The following THADA variants were observed in gnomAD, a reference collection of about 807,000 sequenced individuals.
THADA encodes tRNA (32-2'-O)-methyltransferase regulator THADA.
Under a neutral mutation model 219.8 loss-of-function variants are expected in THADA, and 213 were observed. That is an observed-to-expected ratio of 0.97 (90% CI 0.87 to 1.09). The LOEUF is 1.09. THADA is among the 50% of genes least tolerant of loss of function. THADA has a pLI of 0.00. For missense variants in THADA, 2,956 were observed against 2,311.3 expected (o/e 1.28, Z -5.72); for synonymous variants, 1,018 against 828.9 (o/e 1.23, Z -3.92).
chr2:43,291,454 C>CAAAAAAAAAAAAAAAAAAAAAAAAA (rs765352765), intron 34 of THADA, among the ~76,000 whole-genome samples: 4 of 8,086 alleles, frequency 4.9e-4, no homozygotes, highest in African/African-American at 9.1e-4. Context: ...AACTCCATCT[C>CAAAAAAAAAAAAAAAAAAAAAAAAA]AAAAAAAAAA....
chr2:43,279,649 G>C, intron 36 of THADA, 116 bp downstream of exon 36: 9 of 1,337,960 alleles, frequency 6.7e-6, no homozygotes, highest in Non-Finnish European at 8.9e-6. Context: ...TGGCAGAGTT[G>C]AGACACAGAC....
intron 26 of THADA, among the ~76,000 whole-genome samples, chr2:43,483,208 C>T (rs1467408966): frequency 2.0e-5 from 3 of 152,104 alleles, no homozygotes; most frequent in Non-Finnish European, 4.4e-5. Context: ...AGTAACCAAC[C>T]AAGATATCAT....
intron 31 of THADA, among the ~76,000 whole-genome samples, chr2:43,300,577 G>A (rs1676142283): frequency 1.3e-5 from 2 of 152,146 alleles, no homozygotes; most frequent in Non-Finnish European, 2.9e-5. Context: ...AATTTAAGGT[G>A]GGCCCTGAGG....
intron 22 of THADA, among the ~76,000 whole-genome samples, chr2:43,516,471 C>T (rs547271609): frequency 3.2e-4 from 48 of 152,252 alleles, no homozygotes; most frequent in African/African-American, 1.2e-3. Context: ...ACTTTTTCAC[C>T]TGACATTCTC....
chr2:43,435,781 C>CAAA (rs542080356), intron 26 of THADA, among the ~76,000 whole-genome samples: 25 of 53,776 alleles, frequency 4.6e-4, no homozygotes, highest in African/African-American at 1.3e-3. Flanking sequence ...AACTTGCCAC[C>CAAA]AAAAAAAAAA....
At chr2:43,541,060 G>A in intron 21 of THADA, 99 bp downstream of exon 21, 1 of 1,228,552 alleles carries the variant, frequency 8.1e-7, no homozygotes, top group Non-Finnish European at 1.1e-6. Context: ...TTTTATTCAA[G>A]AAAAATTTTA....
intron 36 of THADA, among the ~76,000 whole-genome samples, chr2:43,235,030 T>A (rs10196416): frequency 0.28 from 42,410 of 149,104 alleles, 7,762 homozygotes; most frequent in African/African-American, 0.53. Context: ...CCCAGGCTTG[T>A]GTGCAGTGGC....
At chr2:43,545,524 G>A (rs147196397) in intron 20 of THADA, among the ~76,000 whole-genome samples, 1 of 151,860 alleles carries the variant, frequency 6.6e-6, no homozygotes, top group East Asian at 1.9e-4. Context: ...TTGTTGGTAA[G>A]CTATTGATTA....
intron 8 of THADA, among the ~76,000 whole-genome samples, chr2:43,580,202 TG>T (rs1255127618): frequency 6.6e-6 from 1 of 151,242 alleles, no homozygotes; most frequent in African/African-American, 2.4e-5. Context: ...TGTTTTTTTT[TG>T]TATTTTAGTT....
At chr2:43,234,882 C>T (rs530143989) in intron 36 of THADA, among the ~76,000 whole-genome samples, 3 of 151,800 alleles carry the variant, frequency 2.0e-5, no homozygotes, top group African/African-American at 7.3e-5. Flanking sequence ...CATGTTGGCC[C>T]GGCTGGTCTC....
chr2:43,586,785 T>C (rs746106850), intron 5 of THADA, 51 bp from the exon 6 acceptor site: 98 of 1,610,386 alleles, frequency 6.1e-5, no homozygotes, highest in Non-Finnish European at 8.1e-5. Flanking sequence ...CCAAAATCAA[T>C]GTCATTTAAA....
At chr2:43,348,991 G>C (rs1235949699) in intron 29 of THADA, among the ~76,000 whole-genome samples, 2 of 152,162 alleles carry the variant, frequency 1.3e-5, no homozygotes, top group East Asian at 3.8e-4. Flanking sequence ...ACAAGAAACA[G>C]GAGAAAGCTT....
At chr2:43,297,537 G>A (rs1456550941) in intron 31 of THADA, among the ~76,000 whole-genome samples, 1 of 114,358 alleles carries the variant, frequency 8.7e-6, no homozygotes, top group Non-Finnish European at 1.8e-5. Context: ...CGTGCCGTCC[G>A]GGAGGGAGGT....
At chr2:43,390,214 A>G (rs963172403) in intron 29 of THADA, among the ~76,000 whole-genome samples, 1 of 152,188 alleles carries the variant, frequency 6.6e-6, no homozygotes, top group Non-Finnish European at 1.5e-5. Context: ...CCAGAAGAAA[A>G]GGGTTTCAGA....
At position 43,581,923 on chromosome 2, in the gene THADA, C is replaced by G. The variant is rs1700505249; in HGVS notation, c.539G>C (p.Cys180Ser). ...TGTTTGAATAATATGATTTCCAGCACATTTTCTATAAAGAAGAAAAGACAT... is the reference window on the plus strand; with the variant it reads ...TGTTTGAATAATATGATTTCCAGCAGATTTTCTATAAAGAAGAAAAGACAT... ...LIEILEENRKCAGNHIIQTQL... is the reference protein window; with the variant it reads ...LIEILEENRKSAGNHIIQTQL... The change falls in exon 8 of 38, where the codon TGT (cysteine) becomes TCT (serine). Residue 180 changes from cysteine (C) to serine (S), a missense_variant. Coordinates refer to ENST00000405975, the MANE Select transcript of THADA (RefSeq NM_022065.5). 1 of 1,521,928 alleles carries G rather than the reference C, an allele frequency of 6.6e-7. No individual in the cohort carries two copies. Among genetic ancestry groups the G allele is most frequent in the African/African-American group, 1.4e-5 (1 of 70,252 alleles). 94.3% of individuals were successfully genotyped at this position (1,521,928 alleles called of 1,614,324 possible). A position where few individuals can be genotyped will look rare whatever the true frequency, so the allele number is the denominator to read the frequency against.
At position 43,456,770 on chromosome 2, in the gene THADA, C is replaced by T. The variant is rs968891608; in HGVS notation, c.3837-26468G>A. Among the ~76,000 whole-genome samples, 5 of 152,104 alleles carry T rather than the reference C, an allele frequency of 3.3e-5. No homozygotes were observed. In the South Asian group the frequency reaches 1.0e-3, roughly 32 times the overall value. ...CAAGTCCTCTTCCTTTCCCTCAGCA[C>T]TTTAAAGATGAGATGAAAGGAATAG... On this transcript the variant is annotated intron_variant, in intron 26 of 37. Coordinates refer to ENST00000405975, the MANE Select transcript of THADA (RefSeq NM_022065.5).
At chr2:43,267,038 T>C (rs7603255) in intron 36 of THADA, among the ~76,000 whole-genome samples, 25,998 of 152,178 alleles carry the variant, frequency 0.17, 2,912 homozygotes, top group African/African-American at 0.32. Context: ...ATTCTTGCTC[T>C]GGGTAATGCA....
chr2:43,474,909 G>A (rs1429203738), intron 26 of THADA, among the ~76,000 whole-genome samples: 1 of 152,100 alleles, frequency 6.6e-6, no homozygotes, highest in Non-Finnish European at 1.5e-5. Flanking sequence ...AGCCTGAGCG[G>A]TCTGCCCTGA....
chr2:43,403,518 C>T (rs7557989), intron 28 of THADA, among the ~76,000 whole-genome samples: 51,582 of 151,938 alleles, frequency 0.34, 9,426 homozygotes, highest in African/African-American at 0.45. Context: ...CGAGTCCCTG[C>T]ATGTCACAGG....
Sources: gnomAD v4.1 joint callset for allele counts (sites outside exome capture counted in the v4.1 genomes callset) on GRCh38, gnomAD v4.1.1 for gene constraint, MANE v1.5 for transcripts, NCBI Gene and HGNC (gene_info 2026-07-23, HGNC 2026-07-21) for gene names.